The following TEKTL1 variants were observed in gnomAD, a reference collection of about 807,000 sequenced individuals.
The protein encoded by TEKTL1 is tektin-like protein 1.
the TEKTL1 span, among the ~76,000 whole-genome samples, chr19:15,020,146 A>G: frequency 6.6e-6 from 1 of 151,594 alleles, no homozygotes; most frequent in East Asian, 1.9e-4. Context: ...CTTCTTCACA[A>G]AAAGTTTTAA....
the TEKTL1 span, among the ~76,000 whole-genome samples, chr19:15,015,240 C>A: frequency 1.3e-5 from 2 of 152,158 alleles, no homozygotes; most frequent in Admixed American, 1.3e-4. Flanking sequence ...GAAACAGAGA[C>A]AGGCTGCTTG....
the TEKTL1 span, chr19:15,020,618 A>G: frequency 6.2e-7 from 1 of 1,614,028 alleles, no homozygotes; most frequent in Non-Finnish European, 8.5e-7. Flanking sequence ...ACACAGGGTC[A>G]GAAAACGCCT....
At chr19:15,018,732 A>ATATATATATATAT in the TEKTL1 span, among the ~76,000 whole-genome samples, 55 of 78,460 alleles carry the variant, frequency 7.0e-4, no homozygotes, top group Non-Finnish European at 1.1e-3. Flanking sequence ...ATATATATAT[A>ATATATATATATAT]ACTTCCCTGG....
chr19:15,014,729 G>GC, the TEKTL1 span, among the ~76,000 whole-genome samples: 5 of 124,834 alleles, frequency 4.0e-5, no homozygotes, highest in South Asian at 1.7e-3. Flanking sequence ...TCAGTGGGGG[G>GC]GCGGGGGGCG....
the TEKTL1 span, among the ~76,000 whole-genome samples, chr19:15,014,926 A>G: frequency 0.7 from 106,154 of 152,074 alleles, 37,253 homozygotes; most frequent in East Asian, 0.82. Context: ...GATCATGCCC[A>G]TAATCTCAGT....
the TEKTL1 span, among the ~76,000 whole-genome samples, chr19:15,018,445 G>A: frequency 0.23 from 35,296 of 151,102 alleles, 4,425 homozygotes; most frequent in Middle Eastern, 0.29. Context: ...ACAGCAGCTC[G>A]CGCCTGTAAT....
chr19:15,011,201 G>A, the TEKTL1 span: 240 of 1,475,554 alleles, frequency 1.6e-4, no homozygotes, highest in East Asian at 5.9e-4. Context: ...CACCGAGGTG[G>A]TGCACGCGCA....
At chr19:15,021,893 C>G in the TEKTL1 span, 1 of 1,613,962 alleles carries the variant, frequency 6.2e-7, no homozygotes, top group Non-Finnish European at 8.5e-7. Flanking sequence ...GGGCACCCAA[C>G]TCCCGGAGGC....
At chr19:15,022,827 A>T in the TEKTL1 span, 3 of 1,535,116 alleles carry the variant, frequency 2.0e-6, no homozygotes, top group African/African-American at 2.8e-5. Context: ...CACGCCAGGT[A>T]GCCATCTGCT....
the TEKTL1 span, chr19:15,010,762 G>C: frequency 6.9e-7 from 1 of 1,453,942 alleles, no homozygotes; most frequent in Non-Finnish European, 9.1e-7. Flanking sequence ...AGAGTTGTGT[G>C]TCTTTGGGGT....
the TEKTL1 span, chr19:15,022,796 C>G: frequency 6.9e-7 from 1 of 1,449,496 alleles, no homozygotes; most frequent in Non-Finnish European, 9.3e-7. Context: ...TACACACACA[C>G]CTGGCGCAGG....
At chr19:15,020,029 T>C in the TEKTL1 span, among the ~76,000 whole-genome samples, 2 of 134,576 alleles carry the variant, frequency 1.5e-5, no homozygotes, top group African/African-American at 5.5e-5. Flanking sequence ...AAAAAAAAAT[T>C]AGGCACACTG....
the TEKTL1 span, chr19:15,010,959 C>A: frequency 6.3e-7 from 1 of 1,592,352 alleles, no homozygotes; most frequent in East Asian, 2.3e-5. Flanking sequence ...GAGGCGGTGA[C>A]CATGTGGCAG....
At chr19:15,016,098 G>A in the TEKTL1 span, among the ~76,000 whole-genome samples, 67 of 152,074 alleles carry the variant, frequency 4.4e-4, no homozygotes, top group Non-Finnish European at 7.8e-4. Flanking sequence ...GAGAAGAAGG[G>A]ACAGGCTGAG....
At chr19:15,022,864 T>C in the TEKTL1 span, 1 of 1,583,098 alleles carries the variant, frequency 6.3e-7, no homozygotes, top group Non-Finnish European at 8.6e-7. Flanking sequence ...CCCTGCTCCC[T>C]ATCCAGGGCA....
the TEKTL1 span, chr19:15,020,510 T>A: frequency 6.2e-7 from 1 of 1,613,418 alleles, no homozygotes; most frequent in Non-Finnish European, 8.5e-7. Flanking sequence ...AAGGAGCGGC[T>A]CCAAGCCGTG....
At chr19:15,021,893 C>T in the TEKTL1 span, 8 of 1,613,842 alleles carry the variant, frequency 5.0e-6, no homozygotes, top group Non-Finnish European at 6.8e-6. Context: ...GGGCACCCAA[C>T]TCCCGGAGGC....
the TEKTL1 span, chr19:15,021,783 G>T: frequency 1.5e-5 from 24 of 1,612,524 alleles, no homozygotes; most frequent in Non-Finnish European, 2.0e-5. Flanking sequence ...GTTTCAATGC[G>T]CTTGCACACC....
At chr19:15,018,732 A>AT in the TEKTL1 span, among the ~76,000 whole-genome samples, 14 of 78,482 alleles carry the variant, frequency 1.8e-4, no homozygotes, top group East Asian at 2.9e-4. Context: ...ATATATATAT[A>AT]ACTTCCCTGG....
Sources: allele counts gnomAD v4.1 joint callset (sites outside exome capture counted in the v4.1 genomes callset), GRCh38; gene constraint gnomAD v4.1.1; transcripts MANE v1.5; gene names NCBI Gene and HGNC (gene_info 2026-07-23, HGNC 2026-07-21).